SLC30A8: variants seen among roughly 807,000 people sequenced by gnomAD.
The protein encoded by SLC30A8 is solute carrier family 30 member 8.
A neutral mutation model predicts 36.9 loss-of-function variants in SLC30A8; 27 were observed. The observed-to-expected ratio is 0.73, with a 90% CI of 0.54 to 1.01. The LOEUF (loss-of-function observed/expected upper bound fraction) is 1.01, where lower values mean the gene tolerates loss of function less well. Ranked by LOEUF, SLC30A8 falls within the 50% of genes least tolerant of loss-of-function variation. SLC30A8 has a pLI of 0.00. For missense variants in SLC30A8, 439 were observed against 452.0 expected, an observed-to-expected ratio of 0.97 and a Z score of 0.26; for synonymous variants, 164 against 172.4, an observed-to-expected ratio of 0.95 and a Z score of 0.38.
At chr8:117,004,594 G>A (rs1219796525) in intron 1 of SLC30A8, among the ~76,000 whole-genome samples, 4 of 152,070 alleles carry the variant, frequency 2.6e-5, no homozygotes, top group African/African-American at 9.7e-5. Context: ...CTGAAAGCAA[G>A]TCTACTTCAT....
chr8:116,965,348 T>G (rs1315668163), intron 1 of SLC30A8, among the ~76,000 whole-genome samples: 1 of 152,208 alleles, frequency 6.6e-6, no homozygotes, highest in Non-Finnish European at 1.5e-5. Flanking sequence ...AAGCCTGAGA[T>G]CTTGCTAATA....
At chr8:117,050,129 C>T (rs1291772745) in intron 2 of SLC30A8, among the ~76,000 whole-genome samples, 1 of 152,204 alleles carries the variant, frequency 6.6e-6, no homozygotes, top group East Asian at 1.9e-4. Context: ...TCTGCCACAT[C>T]TCTGCAAAGC....
intron 1 of SLC30A8, among the ~76,000 whole-genome samples, chr8:117,004,240 A>G (rs1816101700): frequency 6.6e-6 from 1 of 152,198 alleles, no homozygotes. Flanking sequence ...TGAAATTCCT[A>G]TCACAGCTAA....
intron 2 of SLC30A8, among the ~76,000 whole-genome samples, chr8:117,050,147 C>T (rs1042114282): frequency 1.2e-4 from 18 of 152,276 alleles, no homozygotes; most frequent in African/African-American, 4.3e-4. Flanking sequence ...AGCAGGGAGA[C>T]AGGAGGCATG....
At chr8:117,010,875 T>A (rs1816320749) in intron 1 of SLC30A8, among the ~76,000 whole-genome samples, 1 of 152,280 alleles carries the variant, frequency 6.6e-6, no homozygotes, top group East Asian at 1.9e-4. Flanking sequence ...TTGTGAGAAC[T>A]CTGTCACAAG....
intron 1 of SLC30A8, among the ~76,000 whole-genome samples, chr8:116,960,520 G>T (rs28404658): frequency 5.3e-5 from 8 of 152,114 alleles, no homozygotes; most frequent in African/African-American, 1.9e-4. Flanking sequence ...GGGAAATACC[G>T]TAAGTATTCG....
At chr8:117,101,597 G>A (rs1396558946) in intron 2 of SLC30A8, among the ~76,000 whole-genome samples, 1 of 152,162 alleles carries the variant, frequency 6.6e-6, no homozygotes, top group Non-Finnish European at 1.5e-5. Flanking sequence ...TATTGTACCT[G>A]GGTGTGTCTG....
At chr8:117,036,826 G>T (rs1378169867) in intron 1 of SLC30A8, among the ~76,000 whole-genome samples, 1 of 152,200 alleles carries the variant, frequency 6.6e-6, no homozygotes, top group Non-Finnish European at 1.5e-5. Flanking sequence ...GAGACTCGAT[G>T]TGGCCCAGTA....
chr8:117,127,478 G>A (rs912854158), intron 2 of SLC30A8, among the ~76,000 whole-genome samples: 4 of 151,944 alleles, frequency 2.6e-5, no homozygotes, highest in African/African-American at 9.7e-5. Context: ...TATTTCTTGT[G>A]CTCTGTCATT....
chr8:116,961,776 C>T (rs1814432166), intron 1 of SLC30A8, among the ~76,000 whole-genome samples: 1 of 151,886 alleles, frequency 6.6e-6, no homozygotes, highest in South Asian at 2.1e-4. Flanking sequence ...GAGAGAGCAC[C>T]TACTTCCATG....
chr8:117,076,297 A>C (rs1427855078), intron 2 of SLC30A8, among the ~76,000 whole-genome samples: 1 of 152,218 alleles, frequency 6.6e-6, no homozygotes, highest in African/African-American at 2.4e-5. Context: ...TCTAAAGAGG[A>C]GAAGTCTATT....
chr8:117,085,414 C>T (rs547401747), intron 2 of SLC30A8, among the ~76,000 whole-genome samples: 2 of 152,224 alleles, frequency 1.3e-5, no homozygotes, highest in African/African-American at 2.4e-5. Flanking sequence ...CATCCTCTAG[C>T]GATTTCATTG....
intron 2 of SLC30A8, among the ~76,000 whole-genome samples, chr8:117,148,167 C>T (rs1332992278): frequency 6.6e-6 from 1 of 151,974 alleles, no homozygotes; most frequent in Non-Finnish European, 1.5e-5. Flanking sequence ...ACTACTCTCA[C>T]TATTTTAGTG....
At chr8:116,984,020 G>A (rs1815360850) in intron 1 of SLC30A8, among the ~76,000 whole-genome samples, 1 of 151,958 alleles carries the variant, frequency 6.6e-6, no homozygotes, top group Non-Finnish European at 1.5e-5. Flanking sequence ...TCTAGCCACC[G>A]CTAATCTGTT....
intron 1 of SLC30A8, among the ~76,000 whole-genome samples, chr8:116,954,199 C>T (rs1814103415): frequency 6.6e-6 from 1 of 152,032 alleles, no homozygotes; most frequent in South Asian, 2.1e-4. Flanking sequence ...TCATTTATGA[C>T]AGTAGAGGGC....
chr8:117,024,138 T>A (rs1451321980), intron 1 of SLC30A8, among the ~76,000 whole-genome samples: 1 of 152,166 alleles, frequency 6.6e-6, no homozygotes, highest in Admixed American at 6.5e-5. Context: ...GGATAGATAT[T>A]GTTTATCTGA....
chr8:117,003,470 G>A (rs1816079893), intron 1 of SLC30A8, among the ~76,000 whole-genome samples: 1 of 152,180 alleles, frequency 6.6e-6, no homozygotes. Flanking sequence ...TGTATGGTAA[G>A]ATATTGATAC....
chr8:117,024,653 T>C (rs914006045), intron 1 of SLC30A8, among the ~76,000 whole-genome samples: 2 of 152,332 alleles, frequency 1.3e-5, no homozygotes, highest in African/African-American at 4.8e-5. Flanking sequence ...TTTTGAACAC[T>C]TCACTCAGAG....
At chr8:117,051,933 C>G (rs62510477) in intron 2 of SLC30A8, among the ~76,000 whole-genome samples, 1 of 152,172 alleles carries the variant, frequency 6.6e-6, no homozygotes, top group African/African-American at 2.4e-5. Context: ...GATTGTAAGC[C>G]TCCTAAGGCC....
Sources: allele counts gnomAD v4.1 joint callset (sites outside exome capture counted in the v4.1 genomes callset), GRCh38; gene constraint gnomAD v4.1.1; transcripts MANE v1.5; gene names NCBI Gene and HGNC (gene_info 2026-07-23, HGNC 2026-07-21).